Variants in PKP4 observed in about 807,000 individuals in gnomAD.
The protein encoded by PKP4 is plakophilin 4.
PKP4 carries 90 observed loss-of-function variants against 145.1 expected under a neutral mutation model. That is an observed-to-expected ratio of 0.62 (90% confidence interval 0.52 to 0.74). The LOEUF is 0.74. Among genes scored for constraint, PKP4 ranks in the 30% least tolerant of loss-of-function variants. The probability of loss-of-function intolerance (pLI) is 0.00; values close to 1 mark genes in which losing one functional copy is unlikely to be tolerated. For synonymous variants in PKP4, 563 were observed against 577.2 expected, an observed-to-expected ratio of 0.98 and a Z score of 0.35; for missense variants, 1,340 against 1,482.7, an observed-to-expected ratio of 0.90 and a Z score of 1.58.
chr2:158,516,687 TC>T (rs141951457), intron 1 of PKP4, among the ~76,000 whole-genome samples: 28,934 of 150,094 alleles, frequency 0.19, 3,679 homozygotes, highest in Middle Eastern at 0.34. Context: ...AAGACAGAGT[TC>T]CGCTCTTGTT....
At chr2:158,666,276 C>A in intron 15 of PKP4, 137 bp from the exon 16 acceptor site, 2 of 736,116 alleles carry the variant, frequency 2.7e-6, no homozygotes, top group Non-Finnish European at 4.0e-6. Context: ...TCACTGACAC[C>A]ACAGATTTGA....
intron 2 of PKP4, among the ~76,000 whole-genome samples, chr2:158,563,251 A>G (rs1309790747): frequency 6.6e-6 from 1 of 152,082 alleles, no homozygotes; most frequent in Non-Finnish European, 1.5e-5. Flanking sequence ...ACTCTATTTT[A>G]TTTACAAAAA....
chr2:158,606,916 A>G (rs771106760), intron 4 of PKP4, among the ~76,000 whole-genome samples: 8 of 152,176 alleles, frequency 5.3e-5, no homozygotes, highest in Non-Finnish European at 1.2e-4. Context: ...GGAATTCTAT[A>G]AGGGAAAATC....
chr2:158,522,094 G>C (rs1042246622), intron 1 of PKP4, among the ~76,000 whole-genome samples: 1 of 152,054 alleles, frequency 6.6e-6, no homozygotes, highest in Admixed American at 6.6e-5. Context: ...ACTCAAGAAA[G>C]GAAAAATAAC....
chr2:158,492,105 G>T (rs1695028159), intron 1 of PKP4, among the ~76,000 whole-genome samples: 1 of 151,880 alleles, frequency 6.6e-6, no homozygotes. Context: ...CACTGCACCG[G>T]GCCCCTTTTT....
At chr2:158,661,840 G>A (rs2286250) in intron 13 of PKP4, 20,144 of 185,730 alleles carry the variant, frequency 0.11, 1,188 homozygotes, top group Middle Eastern at 0.16. Flanking sequence ...CTGCCCTCCT[G>A]GCTGCAGTGC....
intron 1 of PKP4, among the ~76,000 whole-genome samples, chr2:158,466,866 G>A (rs767692511): frequency 1.2e-4 from 18 of 152,198 alleles, no homozygotes; most frequent in Admixed American, 1.3e-4. Context: ...CTTTGAAAGT[G>A]TGATATTGAG....
chr2:158,533,380 T>C (rs2043750087), intron 2 of PKP4, 64 bp downstream of exon 2: 7 of 1,572,310 alleles, frequency 4.5e-6, no homozygotes, highest in African/African-American at 1.3e-5. Context: ...AATTAATCTT[T>C]GGATATGTTT....
rs1250344716 is a variant in PKP4 at position 158,669,781 on chromosome 2, G to T, written c.2790G>T (p.Leu930Phe). ...RLPGGNGPSV[L>F]SDETMAAICC... Reference sequence around the variant, plus strand: ...CCGGCGGCAATGGCCCCAGTGTCTTGTCTGATGAGACCATGGCAGCCATCT... The same window carrying T: ...CCGGCGGCAATGGCCCCAGTGTCTTTTCTGATGAGACCATGGCAGCCATCT... The change falls in exon 17 of 22, where the codon TTG (leucine) becomes TTT (phenylalanine). Residue 930 changes from leucine to phenylalanine, a missense_variant. By Grantham distance (22) the Leu-to-Phe change is conservative. Coordinates refer to ENST00000389759, the MANE Select transcript of PKP4 (RefSeq NM_003628.6). The T allele has an allele frequency of 5.6e-6, 9 of 1,613,220 alleles. No homozygotes were observed. The highest frequency in any genetic ancestry group is 7.6e-6 in the Non-Finnish European group (9 of 1,179,408).
At chr2:158,458,369 G>A (rs1483320375) in intron 1 of PKP4, 1 of 152,512 alleles carries the variant, frequency 6.6e-6, no homozygotes, top group African/African-American at 2.4e-5. Flanking sequence ...GGGGAAGCGC[G>A]GTAATTCTTT....
intron 7 of PKP4, among the ~76,000 whole-genome samples, chr2:158,625,995 A>T (rs1051540590): frequency 6.6e-6 from 1 of 152,190 alleles, no homozygotes; most frequent in East Asian, 1.9e-4. Flanking sequence ...CGGGTCCCTA[A>T]TACAGCTGTT....
chr2:158,557,295 G>A (rs970360516), intron 2 of PKP4, among the ~76,000 whole-genome samples: 11 of 152,094 alleles, frequency 7.2e-5, no homozygotes, highest in African/African-American at 2.7e-4. Context: ...ACATGAGTCT[G>A]TGTCAGATGT....
intron 1 of PKP4, among the ~76,000 whole-genome samples, chr2:158,490,513 T>C (rs1476753322): frequency 6.6e-6 from 1 of 152,234 alleles, no homozygotes; most frequent in Non-Finnish European, 1.5e-5. Context: ...AAAAGAATGC[T>C]GTTGAGTTGT....
intron 2 of PKP4, among the ~76,000 whole-genome samples, chr2:158,551,644 G>T (rs549938520): frequency 2.0e-5 from 3 of 152,136 alleles, no homozygotes; most frequent in African/African-American, 7.2e-5. Context: ...ACTTTATGCA[G>T]AAGTATTTTT....
intron 3 of PKP4, among the ~76,000 whole-genome samples, chr2:158,586,942 C>T (rs1302706863): frequency 1.3e-5 from 2 of 152,154 alleles, no homozygotes; most frequent in South Asian, 2.1e-4. Context: ...AGTAAGCTAA[C>T]GTATTTTAAG....
chr2:158,675,453 A>G (rs909096805), intron 19 of PKP4, among the ~76,000 whole-genome samples: 1 of 152,158 alleles, frequency 6.6e-6, no homozygotes, highest in African/African-American at 2.4e-5. Flanking sequence ...GCACATAGTT[A>G]CTGAATAGTG....
rs200056852 is a variant in PKP4 at position 158,640,742 on chromosome 2, A to C, written c.1678A>C (p.Asn560His). 2.8e-5 allele frequency: 46 copies of C among 1,614,130 alleles called. No homozygotes were observed. The East Asian group carries it at 1.0e-3, about 36-fold the overall frequency. The change falls in exon 10 of 22, where the codon AAC becomes CAC. Residue 560 changes from asparagine (N) to histidine (H), a missense_variant. Asn to His is a moderately conservative substitution (Grantham distance 68, BLOSUM62 1). Transcript: ENST00000389759. ...CCTGCAGCACCTGTGCTTTGGTGAC[A>C]ACAAAGTGAAGATGGAGGTACAGGA... is the stretch of plus-strand genomic sequence containing the variant. ...AYLQHLCFGD[N>H]KVKMEVCRLG...
intron 2 of PKP4, among the ~76,000 whole-genome samples, chr2:158,546,864 C>CT (rs1365529237): frequency 6.6e-6 from 1 of 152,072 alleles, no homozygotes; most frequent in African/African-American, 2.4e-5. Flanking sequence ...AAAAAGGCCT[C>CT]TTTTTTATGC....
intron 9 of PKP4, among the ~76,000 whole-genome samples, chr2:158,636,261 G>A (rs1048188174): frequency 3.3e-5 from 5 of 150,970 alleles, no homozygotes; most frequent in Admixed American, 3.3e-4. Flanking sequence ...TATTTCACTT[G>A]TTTTTTTAAA....
Sources: allele counts gnomAD v4.1 joint callset (sites outside exome capture counted in the v4.1 genomes callset), GRCh38; gene constraint gnomAD v4.1.1; transcripts MANE v1.5; gene names NCBI Gene and HGNC (gene_info 2026-07-23, HGNC 2026-07-21).